Variants in CDH12 observed in about 807,000 individuals in gnomAD.
CDH12 encodes cadherin 12.
CDH12 carries 41 observed loss-of-function variants against 74.1 expected under a neutral mutation model. The observed-to-expected ratio is 0.55, with a 90% CI of 0.43 to 0.72. The LOEUF is 0.72. Among genes scored for constraint, CDH12 ranks in the 30% least tolerant of loss-of-function variants. CDH12 has a pLI of 0.00. For missense variants in CDH12, 945 were observed against 977.2 expected, an observed-to-expected ratio of 0.97 and a Z score of 0.44; for synonymous variants, 399 against 355.0, an observed-to-expected ratio of 1.12 and a Z score of -1.39.
At chr5:21,799,261 T>C (rs1388519844) in intron 10 of CDH12, among the ~76,000 whole-genome samples, 2 of 152,172 alleles carry the variant, frequency 1.3e-5, no homozygotes, top group Non-Finnish European at 2.9e-5. Flanking sequence ...TTATTAGATA[T>C]TTAGCTGAGG....
chr5:22,493,855 A>T (rs943663860), intron 2 of CDH12, among the ~76,000 whole-genome samples: 3 of 152,212 alleles, frequency 2.0e-5, no homozygotes, highest in Admixed American at 2.0e-4. Context: ...AATGTTAGAT[A>T]CAGATAACTA....
chr5:22,358,857 A>C (rs1740676512), intron 3 of CDH12, among the ~76,000 whole-genome samples: 1 of 152,194 alleles, frequency 6.6e-6, no homozygotes, highest in Admixed American at 6.6e-5. Flanking sequence ...TTGTTCACAA[A>C]ATTCCTAACT....
chr5:22,026,164 C>T (rs774930489), intron 5 of CDH12, among the ~76,000 whole-genome samples: 1 of 152,116 alleles, frequency 6.6e-6, no homozygotes, highest in Non-Finnish European at 1.5e-5. Flanking sequence ...CCAGATCCAT[C>T]AGAGGCATGG....
At chr5:22,493,563 G>GT (rs1292470800) in intron 2 of CDH12, among the ~76,000 whole-genome samples, 10 of 65,170 alleles carry the variant, frequency 1.5e-4, no homozygotes, top group African/African-American at 6.9e-4. Flanking sequence ...AGTTTTTTTG[G>GT]TTTTTTTTGA....
intron 1 of CDH12, among the ~76,000 whole-genome samples, chr5:22,835,648 G>T (rs965530484): frequency 4.6e-5 from 7 of 152,090 alleles, no homozygotes; most frequent in African/African-American, 1.7e-4. Context: ...TCTGACAAGG[G>T]AATTGTATTT....
At chr5:22,455,487 G>C (rs1287209253) in intron 2 of CDH12, among the ~76,000 whole-genome samples, 1 of 152,074 alleles carries the variant, frequency 6.6e-6, no homozygotes, top group Non-Finnish European at 1.5e-5. Flanking sequence ...AGTTCTGAGG[G>C]ATGAAGTCAG....
chr5:22,495,312 G>A (rs749400966), intron 2 of CDH12, among the ~76,000 whole-genome samples: 3 of 152,182 alleles, frequency 2.0e-5, no homozygotes, highest in Non-Finnish European at 4.4e-5. Context: ...ATTCCTTAAA[G>A]ATGTTCATTG....
At chr5:21,849,420 C>T (rs556584187) in intron 7 of CDH12, among the ~76,000 whole-genome samples, 2 of 151,920 alleles carry the variant, frequency 1.3e-5, no homozygotes, top group African/African-American at 4.8e-5. Context: ...CAGTGCATTC[C>T]TGGGCATGGA....
intron 6 of CDH12, among the ~76,000 whole-genome samples, chr5:21,914,919 T>C (rs1193239462): frequency 6.6e-6 from 1 of 152,148 alleles, no homozygotes; most frequent in Non-Finnish European, 1.5e-5. Context: ...AAGTATGATA[T>C]ATTTGAACTA....
chr5:22,629,825 T>A (rs1738489673), intron 1 of CDH12, among the ~76,000 whole-genome samples: 1 of 152,110 alleles, frequency 6.6e-6, no homozygotes, highest in Non-Finnish European at 1.5e-5. Context: ...ACTAGCTGTG[T>A]CTGCAGACAA....
intron 1 of CDH12, among the ~76,000 whole-genome samples, chr5:22,760,923 T>A (rs1274921445): frequency 6.6e-6 from 1 of 152,280 alleles, no homozygotes; most frequent in African/African-American, 2.4e-5. Flanking sequence ...CCACTTTTTT[T>A]ATTGACAATT....
chr5:22,167,277 A>G lies in CDH12; in HGVS notation c.-187+45221T>C, dbSNP rs183664115. 6.0e-3 allele frequency among the ~76,000 whole-genome samples: 915 copies of G among 152,340 alleles called. 8 individuals are homozygous for G. The highest frequency in any genetic ancestry group is 0.021 in the African/African-American group (872 of 41,594). On this transcript the variant is annotated intron_variant, in intron 4 of 14. Transcript: ENST00000382254. Reference sequence around the variant, plus strand: ...AGTCATGTGAATGATTTTAAGCAGCAGAATATATAAATGCCAATCAAGTAA... The same window carrying G: ...AGTCATGTGAATGATTTTAAGCAGCGGAATATATAAATGCCAATCAAGTAA...
chr5:21,795,496 G>T (rs1351936950), intron 10 of CDH12, among the ~76,000 whole-genome samples: 1 of 151,850 alleles, frequency 6.6e-6, no homozygotes, highest in Non-Finnish European at 1.5e-5. Context: ...TTTTAGGTGT[G>T]TGGGATCTAT....
At chr5:21,867,304 G>A (rs1475125163) in intron 6 of CDH12, among the ~76,000 whole-genome samples, 1 of 152,184 alleles carries the variant, frequency 6.6e-6, no homozygotes, top group Non-Finnish European at 1.5e-5. Context: ...GCAGTGAGCT[G>A]AGGTCACGCC....
intron 1 of CDH12, among the ~76,000 whole-genome samples, chr5:22,829,812 T>C (rs1384078844): frequency 7.2e-5 from 11 of 152,174 alleles, no homozygotes; most frequent in African/African-American, 2.7e-4. Context: ...TCTTCATCAG[T>C]GGAACCACAG....
intron 1 of CDH12, among the ~76,000 whole-genome samples, chr5:22,541,703 T>G (rs1482284447): frequency 6.6e-6 from 1 of 152,202 alleles, no homozygotes; most frequent in African/African-American, 2.4e-5. Flanking sequence ...AGTATACCTT[T>G]CAAAATACAT....
At chr5:22,188,362 A>G (rs1305663356) in intron 4 of CDH12, among the ~76,000 whole-genome samples, 2 of 151,440 alleles carry the variant, frequency 1.3e-5, no homozygotes, top group African/African-American at 4.9e-5. Context: ...AACCAGGGGT[A>G]TGGCCTTGAA....
At chr5:21,835,369 A>G (rs547221734) in intron 8 of CDH12, among the ~76,000 whole-genome samples, 57 of 131,054 alleles carry the variant, frequency 4.3e-4, no homozygotes, top group South Asian at 2.5e-3. Flanking sequence ...ATGTGTGTGT[A>G]TATATATATA....
At chr5:22,668,173 GA>G (rs1449686360) in intron 1 of CDH12, among the ~76,000 whole-genome samples, 2 of 151,752 alleles carry the variant, frequency 1.3e-5, no homozygotes, top group Admixed American at 6.6e-5. Flanking sequence ...TTTTATTATA[GA>G]AAAAGGAAAT....
Sources: gnomAD v4.1 joint callset for allele counts (sites outside exome capture counted in the v4.1 genomes callset) on GRCh38, gnomAD v4.1.1 for gene constraint, MANE v1.5 for transcripts, NCBI Gene and HGNC (gene_info 2026-07-23, HGNC 2026-07-21) for gene names.